Variants in BCAS3 observed in about 807,000 individuals in gnomAD.
BCAS3 encodes the protein BCAS3 microtubule associated cell migration factor.
A neutral mutation model predicts 116.1 loss-of-function variants in BCAS3; 53 were observed. The ratio of observed to expected loss-of-function variants is 0.46; its 90% CI spans 0.37 to 0.57. The LOEUF is 0.57. Ranked by LOEUF, BCAS3 falls within the 20% of genes least tolerant of loss-of-function variation. BCAS3 has a pLI of 0.00. For synonymous variants in BCAS3, 391 were observed against 408.2 expected (o/e 0.96, Z 0.51); for missense variants, 917 against 1,165.4 (o/e 0.79, Z 3.10).
At chr17:60,832,166 AACAAACTCT>A (rs1235872697) in intron 7 of BCAS3, among the ~76,000 whole-genome samples, 1 of 152,208 alleles carries the variant, frequency 6.6e-6, no homozygotes, top group Non-Finnish European at 1.5e-5. Flanking sequence ...TTAGAAGAGG[AACAAACTCT>A]ACAAAGATAA....
chr17:61,281,672 TATTC>T lies in BCAS3; in HGVS notation c.2426-86652_2426-86649del, dbSNP rs1451146241. Among the ~76,000 whole-genome samples the T allele has an allele frequency of 6.6e-6, 1 of 152,192 alleles. No homozygotes were observed. Among genetic ancestry groups the T allele is most frequent in the Non-Finnish European group, 1.5e-5 (1 of 68,022 alleles). ...CATCTTTATACTGGGTTTTTTATCT[TATTC>T]ATATTGATTTGGAGGAGCTTTCTAT... On this transcript the variant is annotated intron_variant, in intron 22 of 23. Transcript: ENST00000407086. The surrounding 1 kb of genome is among the most constrained non-coding windows in gnomAD (Gnocchi z 4.2).
intron 7 of BCAS3, among the ~76,000 whole-genome samples, chr17:60,860,317 C>T (rs2054048824): frequency 1.3e-5 from 2 of 152,162 alleles, no homozygotes; most frequent in African/African-American, 4.8e-5. Context: ...AGTGTCTGTT[C>T]ACGTACTTTG....
intron 22 of BCAS3, among the ~76,000 whole-genome samples, chr17:61,287,112 G>T (rs1264768556): frequency 6.6e-6 from 1 of 152,094 alleles, no homozygotes; most frequent in Non-Finnish European, 1.5e-5. Flanking sequence ...GCCGGGCGTG[G>T]TGGCGGGCAC....
In BCAS3 at chr17:61,020,444, G is replaced by A. The variant is rs2065796385; in HGVS notation, c.1637+4543G>A. Among the ~76,000 whole-genome samples the A allele has an allele frequency of 1.3e-5, 2 of 152,196 alleles. No individual in the cohort carries two copies. Among genetic ancestry groups the A allele is most frequent in the East Asian group, 1.9e-4 (1 of 5,188 alleles). On this transcript the variant is annotated intron_variant, in intron 16 of 23. Transcript: ENST00000407086. This position sits in a 1 kb window ranked among gnomAD's most constrained non-coding sequence, Gnocchi z 4.5. ...ACAGCTGCTGCTTAACTCTGTGACA[G>A]TATACATTGATGGAGGTAAAAGAAG...
rs2058535276 is a variant in BCAS3, at chr17:61,363,026, T to TG, written c.2426-5300dup. Among the ~76,000 whole-genome samples the TG allele has an allele frequency of 6.6e-6, 1 of 152,200 alleles. No individual in the cohort carries two copies. Among genetic ancestry groups the TG allele is most frequent in the Admixed American group, 6.5e-5 (1 of 15,288 alleles). ...ACGAACCTGTTTTGAGCAAGCATGA[T>TG]GTACAAAGTTCGGTGCCTATTTTCA... is the stretch of plus-strand genomic sequence containing the variant. On this transcript the variant is annotated intron_variant, in intron 22 of 23. Coordinates refer to ENST00000407086, the MANE Select transcript of BCAS3 (RefSeq NM_017679.5). This position sits in a 1 kb window ranked among gnomAD's most constrained non-coding sequence, Gnocchi z 4.9.
rs1010563344 is a variant in BCAS3 at position 61,213,489 on chromosome 17, A to C, written c.2425+128925A>C. On this transcript the variant is annotated intron_variant, in intron 22 of 23. Transcript: ENST00000407086. This position sits in a 1 kb window ranked among gnomAD's most constrained non-coding sequence, Gnocchi z 5.4. ...GGCCTATTCATATATTTTTATATGAAAAAAGTAAGGCATGAAAAGAGTCTT... is the reference window on the plus strand; with the variant it reads ...GGCCTATTCATATATTTTTATATGACAAAAGTAAGGCATGAAAAGAGTCTT... Among the ~76,000 whole-genome samples, 1 of 152,122 alleles carries C rather than the reference A, an allele frequency of 6.6e-6. No individual in the cohort carries two copies. The highest frequency in any genetic ancestry group is 1.5e-5 in the Non-Finnish European group (1 of 68,008).
chr17:60,825,666 T>A (rs960223009), intron 7 of BCAS3, among the ~76,000 whole-genome samples: 7 of 151,352 alleles, frequency 4.6e-5, no homozygotes, highest in African/African-American at 1.7e-4. Flanking sequence ...GAAGGCTCAG[T>A]CTTTGCTTCC....
At chr17:60,755,889 AG>A (rs1279351071) in intron 6 of BCAS3, among the ~76,000 whole-genome samples, 2 of 152,176 alleles carry the variant, frequency 1.3e-5, no homozygotes, top group Non-Finnish European at 2.9e-5. Context: ...TGATCAGGTT[AG>A]GGTATTTTAG....
At chr17:60,989,893 A>AT (rs1438188848) in intron 14 of BCAS3, 78 bp from the exon 15 acceptor site, 20 of 1,442,196 alleles carry the variant, frequency 1.4e-5, no homozygotes, top group African/African-American at 9.9e-5. Context: ...TTATATTCAT[A>AT]TTTGGTGATG....
chr17:60,886,562 C>A (rs2056656902), intron 9 of BCAS3: 1 of 151,040 alleles, frequency 6.6e-6, no homozygotes, highest in Non-Finnish European at 1.5e-5. Flanking sequence ...TGTTTTTTCC[C>A]CATCTTTGTG....
chr17:61,107,246 C>T (rs937187009), intron 22 of BCAS3, among the ~76,000 whole-genome samples: 1 of 151,806 alleles, frequency 6.6e-6, no homozygotes, highest in Non-Finnish European at 1.5e-5. Context: ...ACCACCACAC[C>T]CGGCTAATTT....
chr17:61,340,066 C>T (rs907208029), intron 22 of BCAS3, among the ~76,000 whole-genome samples: 5 of 152,038 alleles, frequency 3.3e-5, no homozygotes, highest in African/African-American at 1.2e-4. Flanking sequence ...GGGGCAAAGC[C>T]TCATTGGAGT....
chr17:61,304,547 A>G (rs2053684352), intron 22 of BCAS3, among the ~76,000 whole-genome samples: 1 of 152,062 alleles, frequency 6.6e-6, no homozygotes, highest in Non-Finnish European at 1.5e-5. Flanking sequence ...ACGTCACCTC[A>G]TCTGGGAAGC....
chr17:60,990,203 T>C lies in BCAS3; in HGVS notation c.1454T>C (p.Leu485Pro). The stretch of plus-strand genomic sequence containing the variant: ...GGTCGCTGTAGCCCTGTTCCAGGTC[T>C]ATCAAGCAGCCCTTCTGGGTCACCC... ...QGGRCSPVPGLSSSPSGSPLH... is the reference protein window; with the variant it reads ...QGGRCSPVPGPSSSPSGSPLH... Residue 485 changes from leucine (L) to proline (P), a missense_variant, in exon 15 of 24, where the codon CTA becomes CCA. Transcript: ENST00000407086. This position sits in a 1 kb window ranked among gnomAD's most constrained non-coding sequence, Gnocchi z 5.1. 1 of 1,614,200 alleles carries C rather than the reference T, an allele frequency of 6.2e-7. No homozygotes were observed. Among genetic ancestry groups the C allele is most frequent in the East Asian group, 2.2e-5 (1 of 44,888 alleles).
In BCAS3 at chr17:61,265,876, G is replaced by A. The variant is rs1321209697; in HGVS notation, c.2426-102451G>A. 2.0e-5 allele frequency among the ~76,000 whole-genome samples: 3 copies of A among 152,202 alleles called. No individual in the cohort carries two copies. The highest frequency in any genetic ancestry group is 7.2e-5 in the African/African-American group (3 of 41,456). On this transcript the variant is annotated intron_variant, in intron 22 of 23. Transcript: ENST00000407086. The surrounding 1 kb of genome is among the most constrained non-coding windows in gnomAD (Gnocchi z 4.3). ...ACACCTTCTCTTGCTAACTGAGCAG[G>A]AGAATAGTTGCTTGTTTCTTTCTCT...
intron 9 of BCAS3, among the ~76,000 whole-genome samples, chr17:60,889,004 G>A (rs949082198): frequency 6.6e-6 from 1 of 152,100 alleles, no homozygotes; most frequent in Non-Finnish European, 1.5e-5. Flanking sequence ...AAGAGTCAGC[G>A]GCGAAGAAAA....
At chr17:61,109,120 A>G (rs1320517456) in intron 22 of BCAS3, among the ~76,000 whole-genome samples, 1 of 148,066 alleles carries the variant, frequency 6.8e-6, no homozygotes, top group East Asian at 2.1e-4. Flanking sequence ...CAGGAGGCGG[A>G]GGTTGCAGTG....
At chr17:61,111,670 T>C (rs111797997) in intron 22 of BCAS3, among the ~76,000 whole-genome samples, 11 of 143,004 alleles carry the variant, frequency 7.7e-5, no homozygotes, top group Admixed American at 6.4e-4. Flanking sequence ...CTGCAGGATA[T>C]TATCCAGGAG....
chr17:60,757,480 C>T (rs2043123568), intron 6 of BCAS3, among the ~76,000 whole-genome samples: 1 of 149,724 alleles, frequency 6.7e-6, no homozygotes, highest in African/African-American at 2.5e-5. Flanking sequence ...AAGATGATAT[C>T]TCATTGTGGT....
Sources: allele counts gnomAD v4.1 joint callset (sites outside exome capture counted in the v4.1 genomes callset), GRCh38; gene constraint gnomAD v4.1.1; non-coding constraint Gnocchi (gnomAD v3.1); transcripts MANE v1.5; gene names NCBI Gene and HGNC (gene_info 2026-07-23, HGNC 2026-07-21).